The following TMEM232 variants were observed in gnomAD, a reference collection of about 807,000 sequenced individuals.
The protein encoded by TMEM232 is transmembrane protein 232.
Under a neutral mutation model 78.8 loss-of-function variants are expected in TMEM232, and 80 were observed. The ratio of observed to expected loss-of-function variants is 1.01; its 90% CI spans 0.85 to 1.22. The LOEUF is 1.22. Among genes scored for constraint, TMEM232 ranks in the 50% most tolerant of loss-of-function variants. TMEM232 has a pLI of 0.00. For missense variants in TMEM232, 881 were observed against 742.2 expected (o/e 1.19, Z -2.17); for synonymous variants, 297 against 254.3 (o/e 1.17, Z -1.60).
chr5:110,401,537 C>A (rs773291968), intron 2 of TMEM232, among the ~76,000 whole-genome samples: 1 of 151,990 alleles, frequency 6.6e-6, no homozygotes, highest in Admixed American at 6.6e-5. Context: ...CATTAGGCCA[C>A]CCCTGGGAAT....
intron 8 of TMEM232, among the ~76,000 whole-genome samples, chr5:110,614,625 T>C (rs1782707939): frequency 6.6e-6 from 1 of 152,130 alleles, no homozygotes; most frequent in Non-Finnish European, 1.5e-5. Context: ...CAATCATTTA[T>C]ACTTTTTATC....
chr5:110,437,000 A>G (rs529689426), intron 12 of TMEM232, among the ~76,000 whole-genome samples: 1 of 152,098 alleles, frequency 6.6e-6, no homozygotes, highest in South Asian at 2.1e-4. Flanking sequence ...TGTCATTGGT[A>G]TACTCATAGG....
rs189973208 is a variant in TMEM232, at chr5:110,524,239, C to T, written c.1703+4349G>A. 5.4e-3 allele frequency among the ~76,000 whole-genome samples: 662 copies of T among 123,476 alleles called. 1 individual carries two copies. The highest frequency in any genetic ancestry group is 0.011 in the Admixed American group (113 of 10,600). 81.0% of individuals were successfully genotyped at this position (123,476 alleles called of 152,430 possible). A position where few individuals can be genotyped will look rare whatever the true frequency, so the allele number is the denominator to read the frequency against. On this transcript the variant is annotated intron_variant, in intron 12 of 13. Coordinates refer to ENST00000455884, the MANE Select transcript of TMEM232 (RefSeq NM_001039763.4). ...ATCCACCACTGCACTCCAGCTTGGG[C>T]GTCAGAACGAGACTCAGTCTCAAAA...
At chr5:110,476,578 T>C (rs1300163285) in intron 12 of TMEM232, among the ~76,000 whole-genome samples, 1 of 151,952 alleles carries the variant, frequency 6.6e-6, no homozygotes, top group Non-Finnish European at 1.5e-5. Context: ...TCCAAAAAAA[T>C]GGATTTGTGA....
At chr5:110,480,353 T>G (rs1763728127) in intron 12 of TMEM232, among the ~76,000 whole-genome samples, 1 of 152,048 alleles carries the variant, frequency 6.6e-6, no homozygotes, top group African/African-American at 2.4e-5. Flanking sequence ...AATGTCAGTC[T>G]TTTGAACAAC....
intron 10 of TMEM232, among the ~76,000 whole-genome samples, chr5:110,603,771 G>A (rs1233749682): frequency 1.3e-5 from 2 of 152,134 alleles, no homozygotes; most frequent in Non-Finnish European, 2.9e-5. Context: ...CTTGAAAAGT[G>A]GGAAAAGGTC....
At chr5:110,672,336 G>C (rs1580607270) in intron 1 of TMEM232, among the ~76,000 whole-genome samples, 1 of 152,098 alleles carries the variant, frequency 6.6e-6, no homozygotes, top group Non-Finnish European at 1.5e-5. Context: ...TCTCCAGTGG[G>C]ATGGAATAAA....
chr5:110,461,588 G>A (rs1761535964), intron 12 of TMEM232, among the ~76,000 whole-genome samples: 1 of 152,210 alleles, frequency 6.6e-6, no homozygotes, highest in African/African-American at 2.4e-5. Context: ...CAATGTGGAT[G>A]AAAAGGTTTT....
chr5:110,679,475 G>A (rs1792441873), intron 1 of TMEM232, among the ~76,000 whole-genome samples: 1 of 152,018 alleles, frequency 6.6e-6, no homozygotes, highest in African/African-American at 2.4e-5. Context: ...GTCTGTGCCT[G>A]CCTTCTCATT....
chr5:110,582,496 T>C (rs750804442), intron 10 of TMEM232, among the ~76,000 whole-genome samples: 1 of 151,868 alleles, frequency 6.6e-6, no homozygotes, highest in Non-Finnish European at 1.5e-5. Context: ...TAATAGACAC[T>C]GGGACTACTA....
chr5:110,677,774 A>C (rs1792203414), intron 1 of TMEM232, among the ~76,000 whole-genome samples: 1 of 152,168 alleles, frequency 6.6e-6, no homozygotes, highest in African/African-American at 2.4e-5. Flanking sequence ...TTAGGCAAAA[A>C]ATTTAACATT....
chr5:110,479,079 T>G (rs1378693036), intron 12 of TMEM232, among the ~76,000 whole-genome samples: 1 of 151,470 alleles, frequency 6.6e-6, no homozygotes, highest in African/African-American at 2.4e-5. Context: ...ATATACCACA[T>G]CTAGTCTATA....
At chr5:110,454,170 G>A (rs909916664) in intron 12 of TMEM232, among the ~76,000 whole-genome samples, 1 of 152,120 alleles carries the variant, frequency 6.6e-6, no homozygotes, top group Non-Finnish European at 1.5e-5. Context: ...TAATTAACAT[G>A]TATAGAATAT....
At chr5:110,609,422 C>A (rs891407828) in intron 8 of TMEM232, among the ~76,000 whole-genome samples, 1 of 151,796 alleles carries the variant, frequency 6.6e-6, no homozygotes, top group Non-Finnish European at 1.5e-5. Flanking sequence ...TACTGTTTAC[C>A]CTATTTTGCA....
chr5:110,642,314 G>T lies in TMEM232; in HGVS notation c.183C>A (p.Ser61=). The change falls in exon 3 of 14, where the codon TCC becomes TCA. Residue 61 remains serine, a synonymous_variant. Transcript: ENST00000455884. ...FILRFNQTQN[S]KEKEELLELA... ...GTTCCAACAATTCTTCCTTCTCTTT[G>T]GAATTTTGTGTTTGATTGAATCTCA... The T allele has an allele frequency of 6.5e-7, 1 of 1,538,728 alleles. No individual in the cohort carries two copies. Among genetic ancestry groups the T allele is most frequent in the Non-Finnish European group, 8.8e-7 (1 of 1,142,294 alleles).
At chr5:110,689,480 A>T (rs1793827224) in intron 1 of TMEM232, among the ~76,000 whole-genome samples, 2 of 152,178 alleles carry the variant, frequency 1.3e-5, no homozygotes, top group South Asian at 4.1e-4. Flanking sequence ...AAACTGAAGC[A>T]TTTAAAGTGT....
chr5:110,705,538 A>C (rs1795837215), intron 1 of TMEM232, among the ~76,000 whole-genome samples: 1 of 152,196 alleles, frequency 6.6e-6, no homozygotes, highest in East Asian at 1.9e-4. Context: ...AAACTCAACA[A>C]GGTTTGCTGA....
intron 1 of TMEM232, among the ~76,000 whole-genome samples, chr5:110,685,677 A>G (rs1480944846): frequency 6.6e-6 from 1 of 152,146 alleles, no homozygotes; most frequent in Non-Finnish European, 1.5e-5. Flanking sequence ...CACTGTCATA[A>G]AAAGACTTGT....
chr5:110,530,280 T>C (rs987768727), intron 11 of TMEM232, among the ~76,000 whole-genome samples: 5 of 152,112 alleles, frequency 3.3e-5, no homozygotes, highest in Non-Finnish European at 5.9e-5. Context: ...GTGAAAGTCA[T>C]AGAGGATGGG....
Sources: allele counts gnomAD v4.1 joint callset (sites outside exome capture counted in the v4.1 genomes callset), GRCh38; gene constraint gnomAD v4.1.1; transcripts MANE v1.5; gene names NCBI Gene and HGNC (gene_info 2026-07-23, HGNC 2026-07-21).